CTNNA3: variants seen among roughly 807,000 people sequenced by gnomAD.
The protein encoded by CTNNA3 is catenin alpha 3, also known as catenin alpha-3.
In CTNNA3, 76 loss-of-function variants were observed where a neutral mutation model predicts 95.7. The observed-to-expected ratio is 0.79, with a 90% CI of 0.66 to 0.96. The LOEUF (loss-of-function observed/expected upper bound fraction) is 0.96, where lower values mean the gene tolerates loss of function less well. Ranked by LOEUF, CTNNA3 falls within the 40% of genes least tolerant of loss-of-function variation. The pLI, the probability that CTNNA3 is intolerant of heterozygous loss-of-function variation, is 0.00. For missense variants in CTNNA3, 1,191 were observed against 1,089.8 expected (o/e 1.09, Z -1.31); for synonymous variants, 431 against 374.4 (o/e 1.15, Z -1.74).
intron 5 of CTNNA3, among the ~76,000 whole-genome samples, chr10:67,429,122 C>T (rs1311538594): frequency 6.6e-6 from 1 of 151,940 alleles, no homozygotes; most frequent in African/African-American, 2.4e-5. Flanking sequence ...CACACATTAA[C>T]TCTACGAATT....
intron 5 of CTNNA3, among the ~76,000 whole-genome samples, chr10:67,298,293 G>C (rs1840126439): frequency 6.6e-6 from 1 of 152,174 alleles, no homozygotes; most frequent in Admixed American, 6.5e-5. Flanking sequence ...CCCATCCGAA[G>C]GTAATATGTA....
At chr10:67,113,661 CT>C (rs1161837589) in intron 7 of CTNNA3, among the ~76,000 whole-genome samples, 11 of 152,192 alleles carry the variant, frequency 7.2e-5, no homozygotes, top group Admixed American at 7.2e-4. Flanking sequence ...ATGATAATAG[CT>C]TACTAGGCTG....
intron 12 of CTNNA3, among the ~76,000 whole-genome samples, chr10:66,358,381 A>T (rs895827953): frequency 4.6e-5 from 7 of 152,084 alleles, no homozygotes; most frequent in Admixed American, 3.9e-4. Context: ...GGAACATATT[A>T]TTGTATGGGG....
chr10:67,022,959 A>C (rs1853124008), intron 7 of CTNNA3, among the ~76,000 whole-genome samples: 2 of 152,212 alleles, frequency 1.3e-5, no homozygotes, highest in South Asian at 2.1e-4. Context: ...AAATAAATAA[A>C]TAAACTGAAA....
At chr10:66,101,792 C>A (rs1424434745) in intron 14 of CTNNA3, among the ~76,000 whole-genome samples, 1 of 152,110 alleles carries the variant, frequency 6.6e-6, no homozygotes, top group Non-Finnish European at 1.5e-5. Context: ...GAATGTGACT[C>A]TCTGCATCTG....
chr10:67,638,846 C>T (rs546394636), intron 2 of CTNNA3, among the ~76,000 whole-genome samples: 1 of 152,180 alleles, frequency 6.6e-6, no homozygotes, highest in East Asian at 1.9e-4. Context: ...ATCTCTGCGA[C>T]ACATTTAAAG....
At chr10:66,401,218 T>G in intron 11 of CTNNA3, among the ~76,000 whole-genome samples, 1 of 152,042 alleles carries the variant, frequency 6.6e-6, no homozygotes, top group East Asian at 1.9e-4. Context: ...GAGACAGTTG[T>G]AAGAATTAAA....
rs557760358 is a variant in CTNNA3, at chr10:67,525,176, T to C, written c.460-3215A>G. On this transcript the variant is annotated intron_variant, in intron 4 of 17. Coordinates refer to ENST00000433211, the MANE Select transcript of CTNNA3 (RefSeq NM_013266.4). ...ATCCTGTGTTTTTTTTTTTAACTCG[T>C]TATAAACCAAACTCAAACTTTAAAA... Among the ~76,000 whole-genome samples the C allele has an allele frequency of 2.6e-4, 40 of 151,948 alleles. No individual in the cohort carries two copies. The East Asian group carries it at 6.0e-3, about 23-fold the overall frequency.
chr10:66,706,297 C>G (rs546473918), intron 9 of CTNNA3, among the ~76,000 whole-genome samples: 1 of 151,866 alleles, frequency 6.6e-6, no homozygotes, highest in African/African-American at 2.4e-5. Context: ...TATTTATACT[C>G]GCTCTTAAAT....
chr10:67,486,942 T>A (rs139454201), intron 5 of CTNNA3, among the ~76,000 whole-genome samples: 33 of 152,268 alleles, frequency 2.2e-4, no homozygotes, highest in Middle Eastern at 3.4e-3. Flanking sequence ...ATTTTAGTTG[T>A]AGAAAAAAAT....
chr10:66,328,933 T>TATATACACAC (rs59003281), intron 12 of CTNNA3, among the ~76,000 whole-genome samples: 3 of 115,406 alleles, frequency 2.6e-5, no homozygotes, highest in Non-Finnish European at 3.7e-5. Flanking sequence ...TATATATATA[T>TATATACACAC]ACACACACAC....
chr10:66,931,824 A>G (rs915384638), intron 7 of CTNNA3, among the ~76,000 whole-genome samples: 3 of 152,232 alleles, frequency 2.0e-5, no homozygotes, highest in African/African-American at 7.2e-5. Flanking sequence ...TAATAACGCA[A>G]TAAGAATAGA....
At chr10:67,122,891 T>C (rs547951858) in intron 7 of CTNNA3, among the ~76,000 whole-genome samples, 3 of 152,268 alleles carry the variant, frequency 2.0e-5, no homozygotes, top group Non-Finnish European at 4.4e-5. Flanking sequence ...TGTACAGCTC[T>C]TTTTTAAAAA....
chr10:66,456,540 G>T (rs2093496330), intron 11 of CTNNA3, among the ~76,000 whole-genome samples: 1 of 152,010 alleles, frequency 6.6e-6, no homozygotes, highest in Non-Finnish European at 1.5e-5. Flanking sequence ...GCTGGGCATA[G>T]TGGCACATGA....
At chr10:66,774,876 C>T (rs1388605821) in intron 8 of CTNNA3, among the ~76,000 whole-genome samples, 1 of 152,100 alleles carries the variant, frequency 6.6e-6, no homozygotes, top group African/African-American at 2.4e-5. Context: ...TTTCTAATCC[C>T]ATGTTCCTGA....
At chr10:67,259,268 A>G (rs1206638072) in intron 5 of CTNNA3, among the ~76,000 whole-genome samples, 2 of 152,214 alleles carry the variant, frequency 1.3e-5, no homozygotes, top group Non-Finnish European at 2.9e-5. Flanking sequence ...TCACTCTTTA[A>G]GTGTATCTCT....
At chr10:67,075,894 T>C (rs1021863127) in intron 7 of CTNNA3, among the ~76,000 whole-genome samples, 2 of 152,238 alleles carry the variant, frequency 1.3e-5, no homozygotes. Context: ...TCAACGAAGG[T>C]GTGGAGCATG....
intron 6 of CTNNA3, among the ~76,000 whole-genome samples, chr10:67,215,062 T>C (rs1027369818): frequency 5.9e-5 from 9 of 152,060 alleles, no homozygotes; most frequent in African/African-American, 2.2e-4. Context: ...GAACTTGTCA[T>C]GGCATGTATC....
At chr10:66,468,957 T>C (rs1449473812) in intron 11 of CTNNA3, among the ~76,000 whole-genome samples, 1 of 151,888 alleles carries the variant, frequency 6.6e-6, no homozygotes, top group African/African-American at 2.4e-5. Flanking sequence ...AGTACTGTAA[T>C]GAATATGCTT....
Sources: allele counts gnomAD v4.1 joint callset (sites outside exome capture counted in the v4.1 genomes callset), GRCh38; gene constraint gnomAD v4.1.1; transcripts MANE v1.5; gene names NCBI Gene and HGNC (gene_info 2026-07-23, HGNC 2026-07-21).